The following RSPO2 variants were observed in gnomAD, a reference collection of about 807,000 sequenced individuals.
The protein encoded by RSPO2 is R-spondin 2.
A neutral mutation model predicts 30.9 loss-of-function variants in RSPO2; 14 were observed. That is an observed-to-expected ratio of 0.45 (90% CI 0.30 to 0.71). RSPO2 has a LOEUF of 0.71. RSPO2 is among the 30% of genes least tolerant of loss of function. The pLI, the probability that RSPO2 is intolerant of heterozygous loss-of-function variation, is 0.08. For synonymous variants in RSPO2, 107 were observed against 96.4 expected, an observed-to-expected ratio of 1.11 and a Z score of -0.64; for missense variants, 264 against 301.9, an observed-to-expected ratio of 0.87 and a Z score of 0.93.
At chr8:107,983,948 C>T in intron 3 of RSPO2, 2 of 1,009,492 alleles carry the variant, frequency 2.0e-6, no homozygotes, top group Non-Finnish European at 3.0e-6. Context: ...TGAGGATATT[C>T]TGAAAGGATT....
At chr8:108,003,401 C>T (rs1189325605) in intron 2 of RSPO2, among the ~76,000 whole-genome samples, 84 of 143,584 alleles carry the variant, frequency 5.9e-4, no homozygotes, top group African/African-American at 2.0e-3. Context: ...TTGGGTAATC[C>T]GCCGACCTCT....
At chr8:108,033,194 C>A (rs867446846) in intron 2 of RSPO2, among the ~76,000 whole-genome samples, 1 of 152,116 alleles carries the variant, frequency 6.6e-6, no homozygotes, top group African/African-American at 2.4e-5. Flanking sequence ...AGCCACCGTG[C>A]CCAGTCTAGC....
At chr8:107,968,489 T>C (rs541016321) in intron 3 of RSPO2, among the ~76,000 whole-genome samples, 2 of 152,062 alleles carry the variant, frequency 1.3e-5, no homozygotes, top group Admixed American at 6.6e-5. Flanking sequence ...TACAATCATA[T>C]AGTTAGATGG....
At chr8:107,935,219 G>A (rs1812681407) in intron 5 of RSPO2, among the ~76,000 whole-genome samples, 1 of 152,130 alleles carries the variant, frequency 6.6e-6, no homozygotes, top group Non-Finnish European at 1.5e-5. Flanking sequence ...TGCACTCTGG[G>A]AGTGTCTGTC....
chr8:107,979,676 T>C (rs1333539793), intron 3 of RSPO2, among the ~76,000 whole-genome samples: 1 of 145,304 alleles, frequency 6.9e-6, no homozygotes, highest in Non-Finnish European at 1.5e-5. Flanking sequence ...AAATAATAAT[T>C]AAAAAAAAAA....
At chr8:107,953,469 A>C (rs1482470277) in intron 5 of RSPO2, among the ~76,000 whole-genome samples, 1 of 152,176 alleles carries the variant, frequency 6.6e-6, no homozygotes, top group East Asian at 1.9e-4. Context: ...TTCACCAGTG[A>C]TTCCAAATTG....
chr8:108,011,233 G>T (rs1810701914), intron 2 of RSPO2, among the ~76,000 whole-genome samples: 1 of 149,678 alleles, frequency 6.7e-6, no homozygotes, highest in South Asian at 2.1e-4. Flanking sequence ...AAAAGGGAAA[G>T]GAAAAGGAAA....
intron 2 of RSPO2, among the ~76,000 whole-genome samples, chr8:108,014,240 T>C (rs945557365): frequency 6.6e-6 from 1 of 152,184 alleles, no homozygotes; most frequent in Admixed American, 6.5e-5. Context: ...TTTACACTGC[T>C]GGTGGGAGTG....
At chr8:107,952,911 G>T (rs1339709944) in intron 5 of RSPO2, among the ~76,000 whole-genome samples, 4 of 151,966 alleles carry the variant, frequency 2.6e-5, no homozygotes, top group Non-Finnish European at 4.4e-5. Context: ...CACTTTTGAA[G>T]AAAGAAAGAA....
intron 2 of RSPO2, among the ~76,000 whole-genome samples, chr8:108,027,286 G>T (rs1460614413): frequency 6.6e-6 from 1 of 152,170 alleles, no homozygotes; most frequent in African/African-American, 2.4e-5. Flanking sequence ...TCATTAACAA[G>T]TAGTTATTGA....
intron 5 of RSPO2, among the ~76,000 whole-genome samples, chr8:107,915,599 T>C (rs1811955364): frequency 1.3e-5 from 2 of 151,260 alleles, no homozygotes; most frequent in Non-Finnish European, 3.0e-5. Context: ...CTCGTCTTTG[T>C]GTGTGTGTGT....
At chr8:108,022,974 G>A (rs1276370228) in intron 2 of RSPO2, among the ~76,000 whole-genome samples, 1 of 149,654 alleles carries the variant, frequency 6.7e-6, no homozygotes, top group Non-Finnish European at 1.5e-5. Flanking sequence ...AGTTGCATCT[G>A]GAGAAGGGAA....
chr8:107,937,919 A>T (rs1812771965), intron 5 of RSPO2, among the ~76,000 whole-genome samples: 1 of 152,140 alleles, frequency 6.6e-6, no homozygotes, highest in Non-Finnish European at 1.5e-5. Flanking sequence ...CAATTTGCTC[A>T]TATACACACA....
intron 3 of RSPO2, among the ~76,000 whole-genome samples, chr8:107,969,636 T>A (rs993133235): frequency 1.3e-5 from 2 of 152,154 alleles, no homozygotes; most frequent in African/African-American, 4.8e-5. Flanking sequence ...AATGAACACA[T>A]TTGCTAAGAA....
intron 3 of RSPO2, among the ~76,000 whole-genome samples, chr8:107,971,842 T>C (rs1248330801): frequency 6.6e-6 from 1 of 152,244 alleles, no homozygotes; most frequent in African/African-American, 2.4e-5. Context: ...TAGGCATGTC[T>C]ATCTACCTTC....
chr8:108,034,801 G>T (rs1031206685), intron 2 of RSPO2, among the ~76,000 whole-genome samples: 3 of 152,160 alleles, frequency 2.0e-5, no homozygotes, highest in Non-Finnish European at 4.4e-5. Context: ...TCTGTGAAGT[G>T]CACTAAATAT....
intron 3 of RSPO2, chr8:107,983,348 C>T (rs1814516523): frequency 1.2e-6 from 2 of 1,609,686 alleles, no homozygotes; most frequent in South Asian, 2.2e-5. Context: ...TGGAAAAGGG[C>T]CCAGGGTGAA....
chr8:107,902,773 G>A (rs1811519215), intron 5 of RSPO2, among the ~76,000 whole-genome samples: 1 of 151,770 alleles, frequency 6.6e-6, no homozygotes, highest in Non-Finnish European at 1.5e-5. Context: ...TTTATCACAA[G>A]AAAAAAAGAT....
intron 5 of RSPO2, among the ~76,000 whole-genome samples, chr8:107,936,301 C>T (rs1812721688): frequency 6.6e-6 from 1 of 152,118 alleles, no homozygotes; most frequent in Admixed American, 6.6e-5. Context: ...AAATAGTATT[C>T]CATTGTGTTT....
Sources: gnomAD v4.1 joint callset for allele counts (sites outside exome capture counted in the v4.1 genomes callset) on GRCh38, gnomAD v4.1.1 for gene constraint, MANE v1.5 for transcripts, NCBI Gene and HGNC (gene_info 2026-07-23, HGNC 2026-07-21) for gene names.